STX18: variants seen among roughly 807,000 people sequenced by gnomAD.
STX18 encodes the protein syntaxin-18.
Under a neutral mutation model 50.1 loss-of-function variants are expected in STX18, and 40 were observed. That is an observed-to-expected ratio of 0.80 (90% CI 0.62 to 1.04). The LOEUF is 1.04. Ranked by LOEUF, STX18 falls within the 50% of genes least tolerant of loss-of-function variation. The pLI is 0.00. For missense variants in STX18, 410 were observed against 415.8 expected (o/e 0.99, Z 0.12); for synonymous variants, 158 against 151.8 (o/e 1.04, Z -0.30).
chr4:4,478,176 T>C (rs146676577), intron 1 of STX18, among the ~76,000 whole-genome samples: 28 of 151,428 alleles, frequency 1.8e-4, no homozygotes, highest in Non-Finnish European at 2.6e-4. Flanking sequence ...AGTATTTGTA[T>C]ATGTTGATTT....
At chr4:4,473,337 G>C (rs540877580) in intron 1 of STX18, among the ~76,000 whole-genome samples, 6 of 150,252 alleles carry the variant, frequency 4.0e-5, no homozygotes, top group African/African-American at 1.5e-4. Flanking sequence ...CTGTCACCAG[G>C]GCTGGAGTGC....
chr4:4,467,445 G>A (rs1727674280), intron 2 of STX18, among the ~76,000 whole-genome samples: 1 of 152,136 alleles, frequency 6.6e-6, no homozygotes, highest in South Asian at 2.1e-4. Context: ...TACAACCTTT[G>A]CAAAGGTGGT....
At chr4:4,452,866 A>T (rs982505393) in intron 5 of STX18, among the ~76,000 whole-genome samples, 2 of 152,238 alleles carry the variant, frequency 1.3e-5, no homozygotes, top group Admixed American at 1.3e-4. Flanking sequence ...CAACTTTAAC[A>T]GGAGTTTGGA....
Position 4,419,672 on chromosome 4 carries a change from T to C in STX18, c.*362A>G, listed in dbSNP as rs1463655053. 2 of 192,136 alleles carry C rather than the reference T, an allele frequency of 1.0e-5. No individual in the cohort carries two copies. Among genetic ancestry groups the C allele is most frequent in the African/African-American group, 4.6e-5 (2 of 43,028 alleles). 11.9% of individuals were successfully genotyped at this position (192,136 alleles called of 1,614,324 possible). A position where few individuals can be genotyped will look rare whatever the true frequency, so the allele number is the denominator to read the frequency against. ...GGGATGGGAAAGGTCAGTGTCTTCC[T>C]TTGAACCCTGAGACAATTAGGGGCT... On this transcript the variant is annotated 3_prime_UTR_variant, in exon 11 of 11. Transcript: ENST00000306200.
At chr4:4,494,569 T>A (rs775613514) in intron 1 of STX18, among the ~76,000 whole-genome samples, 16 of 152,222 alleles carry the variant, frequency 1.1e-4, no homozygotes, top group Admixed American at 7.2e-4. Context: ...AAGAACAGTG[T>A]GGCTCAGATA....
chr4:4,527,594 G>C (rs537175101), intron 1 of STX18, among the ~76,000 whole-genome samples: 1 of 151,858 alleles, frequency 6.6e-6, no homozygotes, highest in East Asian at 1.9e-4. Flanking sequence ...CTGATAATGG[G>C]TTACAGATTC....
rs1324914865 is a variant in STX18, at chr4:4,420,514, G to C, written c.912+350C>G. ...GTCCCCTCAACAGGATGGCTGTAGT[G>C]TCCTCTGTAAGCAGGGGCCAGGCTC... On this transcript the variant is annotated intron_variant, in intron 10 of 10. Transcript: ENST00000306200. The surrounding 1 kb of genome is among the most constrained non-coding windows in gnomAD (Gnocchi z 4.3). 2.5e-6 allele frequency: 1 copy of C among 398,512 alleles called. No homozygotes were observed. Among genetic ancestry groups the C allele is most frequent in the African/African-American group, 2.0e-5 (1 of 49,468 alleles). The allele number at this position is 398,512 out of a possible 1,614,324, so 24.7% of individuals were successfully genotyped here.
At chr4:4,516,964 T>C (rs1730295570) in intron 1 of STX18, among the ~76,000 whole-genome samples, 1 of 152,190 alleles carries the variant, frequency 6.6e-6, no homozygotes, top group Non-Finnish European at 1.5e-5. Context: ...ATTTATGCAA[T>C]AGCGCTATAC....
chr4:4,507,443 G>A, intron 1 of STX18: 1 of 760,142 alleles, frequency 1.3e-6, no homozygotes, highest in South Asian at 1.3e-5. Flanking sequence ...CGGCTAGTAT[G>A]CGAACTGGAG....
chr4:4,517,690 GAAGAT>G (rs775153026), intron 1 of STX18, among the ~76,000 whole-genome samples: 11 of 151,936 alleles, frequency 7.2e-5, no homozygotes, highest in Admixed American at 2.0e-4. Context: ...AATTTCAAAA[GAAGAT>G]AATATTTTAC....
At chr4:4,486,020 C>T (rs1381160758) in intron 1 of STX18, among the ~76,000 whole-genome samples, 3 of 152,174 alleles carry the variant, frequency 2.0e-5, no homozygotes, top group African/African-American at 4.8e-5. Flanking sequence ...GCGGGGACAG[C>T]GCCTCCAGGC....
rs151265580 is a variant in STX18 at position 4,504,151 on chromosome 4, C to T, written c.169-32445G>A. ...AGAGCTGCCTGAAACAGAGGAACAG[C>T]GTTTGTAAAGGCTGTGAGGTGGAGG... is the stretch of plus-strand genomic sequence containing the variant. On this transcript the variant is annotated intron_variant, in intron 1 of 10. Coordinates refer to ENST00000306200, the MANE Select transcript of STX18 (RefSeq NM_016930.4). 2.9e-4 allele frequency among the ~76,000 whole-genome samples: 44 copies of T among 152,086 alleles called. No individual in the cohort carries two copies. The East Asian group carries it at 4.4e-3, about 15-fold the overall frequency.
At chr4:4,444,936 AG>A (rs1726312939) in intron 5 of STX18, among the ~76,000 whole-genome samples, 1 of 152,208 alleles carries the variant, frequency 6.6e-6, no homozygotes, top group African/African-American at 2.4e-5. Flanking sequence ...ATCAAGAGCA[AG>A]GAAAAGATGT....
In STX18 at chr4:4,467,409, G is replaced by A. The variant is rs537834519; in HGVS notation, c.236+4230C>T. ...GATGGAGTTGATTAGGTCAGATCTC[G>A]TTCGCTGTCATAACTTTCTCACTGT... On this transcript the variant is annotated intron_variant, in intron 2 of 10. Transcript: ENST00000306200. Among the ~76,000 whole-genome samples, 23 of 152,272 alleles carry A rather than the reference G, an allele frequency of 1.5e-4. No homozygotes were observed. In the East Asian group the frequency reaches 3.9e-3, roughly 26 times the overall value.
At chr4:4,510,346 A>G (rs1361080892) in intron 1 of STX18, among the ~76,000 whole-genome samples, 1 of 152,248 alleles carries the variant, frequency 6.6e-6, no homozygotes, top group Non-Finnish European at 1.5e-5. Context: ...TGTGTAAAAT[A>G]TAAGTAATCT....
intron 5 of STX18, among the ~76,000 whole-genome samples, chr4:4,444,055 G>C (rs1018826189): frequency 7.9e-5 from 12 of 152,066 alleles, no homozygotes; most frequent in Non-Finnish European, 1.5e-5. Context: ...CTAACAGAGT[G>C]ATTTATGACT....
At chr4:4,442,605 A>G (rs1459287925) in intron 5 of STX18, among the ~76,000 whole-genome samples, 3 of 152,138 alleles carry the variant, frequency 2.0e-5, no homozygotes, top group Non-Finnish European at 2.9e-5. Flanking sequence ...CGAAAGAACG[A>G]GAGTCCGTAT....
intron 1 of STX18, among the ~76,000 whole-genome samples, chr4:4,528,884 T>C (rs1394459224): frequency 6.6e-6 from 1 of 152,238 alleles, no homozygotes; most frequent in East Asian, 1.9e-4. Context: ...TCCACGGAAC[T>C]GACCATTTAA....
chr4:4,541,767 A>G, intron 1 of STX18, 30 bp downstream of exon 1: 1 of 1,587,754 alleles, frequency 6.3e-7, no homozygotes, highest in Non-Finnish European at 8.6e-7. Context: ...CCCCCTCCTC[A>G]ACCCGCCGTT....
Sources: gnomAD v4.1 joint callset for allele counts (sites outside exome capture counted in the v4.1 genomes callset) on GRCh38, gnomAD v4.1.1 for gene constraint, Gnocchi (gnomAD v3.1) non-coding constraint, MANE v1.5 for transcripts, NCBI Gene and HGNC (gene_info 2026-07-23, HGNC 2026-07-21) for gene names.